PCMTD2: variants seen among roughly 807,000 people sequenced by gnomAD.
PCMTD2 encodes protein-L-isoaspartate O-methyltransferase domain-containing protein 2.
A neutral mutation model predicts 33.4 loss-of-function variants in PCMTD2; 16 were observed. That is an observed-to-expected ratio of 0.48 (90% CI 0.32 to 0.73). PCMTD2 has a LOEUF of 0.73. Among genes scored for constraint, PCMTD2 ranks in the 30% least tolerant of loss-of-function variants. The pLI is 0.03. For synonymous variants in PCMTD2, 161 were observed against 160.8 expected, an observed-to-expected ratio of 1.00 and a Z score of -0.01; for missense variants, 374 against 449.9, an observed-to-expected ratio of 0.83 and a Z score of 1.53.
At position 64,265,409 on chromosome 20, in the gene PCMTD2, G is replaced by C; in HGVS notation, c.562G>C (p.Val188Leu). The change falls in exon 4 of 6, where the codon GTC (valine) becomes CTC (leucine). Residue 188 changes from valine (V) to leucine (L), a missense_variant. Coordinates refer to ENST00000308824, the MANE Select transcript of PCMTD2 (RefSeq NM_018257.3). ...KNLLKVGGILVMPLEEKLTKI... is the reference protein window; with the variant it reads ...KNLLKVGGILLMPLEEKLTKI... ...TCTTCTCAAAGTGGGAGGGATCCTT[G>C]TCATGCCACTGGAAGAGAAGGTCAG... 6.2e-7 allele frequency: 1 copy of C among 1,611,412 alleles called. No homozygotes were observed. Among genetic ancestry groups the C allele is most frequent in the Non-Finnish European group, 8.5e-7 (1 of 1,178,810 alleles).
intron 2 of PCMTD2, among the ~76,000 whole-genome samples, chr20:64,260,649 A>G (rs1225389363): frequency 6.0e-5 from 9 of 149,388 alleles, no homozygotes; most frequent in Admixed American, 4.6e-4. Context: ...CTCTAAATCG[A>G]TGGTAATTAA....
intron 1 of PCMTD2, among the ~76,000 whole-genome samples, chr20:64,256,308 A>C (rs1985165029): frequency 6.6e-6 from 1 of 152,156 alleles, no homozygotes; most frequent in South Asian, 2.1e-4. Context: ...TGGAGATAGT[A>C]AGAATTGGAG....
intron 1 of PCMTD2, among the ~76,000 whole-genome samples, chr20:64,257,622 CCAGA>C (rs1431041096): frequency 1.4e-4 from 21 of 152,194 alleles, no homozygotes; most frequent in African/African-American, 4.8e-4. Context: ...TGTTAGATTA[CCAGA>C]CAAAGATGGT....
rs1049421891 is a variant in PCMTD2 at position 64,274,797 on chromosome 20, G to T, written c.*1197G>T. ...GCTTTCTATCTTACCAAGTGGTAGG[G>T]CTAAAAGAACAACAGCCTTTTTGGT... On this transcript the variant is annotated 3_prime_UTR_variant, in exon 6 of 6. Transcript: ENST00000308824. 3.9e-5 allele frequency: 6 copies of T among 152,294 alleles called. No homozygotes were observed. The highest frequency in any genetic ancestry group is 3.3e-4 in the Admixed American group (5 of 15,298). The allele number at this position is 152,294 out of a possible 1,614,324, so 9.4% of individuals were successfully genotyped here.
intron 1 of PCMTD2, 85 bp from the exon 2 acceptor site, chr20:64,259,857 T>A: frequency 3.0e-6 from 2 of 661,722 alleles, no homozygotes; most frequent in East Asian, 2.7e-5. Context: ...AATTCAGAAT[T>A]TCAAATTGGT....
At chr20:64,261,572 T>TGATGA (rs139446094) in intron 2 of PCMTD2, among the ~76,000 whole-genome samples, 3,251 of 151,264 alleles carry the variant, frequency 0.021, 124 homozygotes, top group African/African-American at 0.076. Context: ...CGTCTATAAT[T>TGATGA]GATTTTTGTG....
chr20:64,263,675 A>C (rs1378624176), intron 2 of PCMTD2, among the ~76,000 whole-genome samples: 1 of 152,240 alleles, frequency 6.6e-6, no homozygotes, highest in African/African-American at 2.4e-5. Flanking sequence ...CAAGATGCAG[A>C]GTTGAATCAG....
At chr20:64,267,277 C>T (rs1332531984) in intron 4 of PCMTD2, among the ~76,000 whole-genome samples, 4 of 152,124 alleles carry the variant, frequency 2.6e-5, no homozygotes, top group African/African-American at 9.7e-5. Context: ...CCACCAGATT[C>T]CGGTGCTTTC....
Position 64,275,839 on chromosome 20 carries a change from A to G in PCMTD2, c.*2239A>G, listed in dbSNP as rs1443487958. On this transcript the variant is annotated 3_prime_UTR_variant, in exon 6 of 6. Transcript: ENST00000308824. ...TTTTGTCTTGAAAAGTAGTAAAGCCATAGACTTGTGCAAAACAAGTTTCAA... is the reference window on the plus strand; with the variant it reads ...TTTTGTCTTGAAAAGTAGTAAAGCCGTAGACTTGTGCAAAACAAGTTTCAA... 6.6e-6 allele frequency: 1 copy of G among 152,240 alleles called. No individual in the cohort carries two copies. The highest frequency in any genetic ancestry group is 1.5e-5 in the Non-Finnish European group (1 of 68,036). 9.4% of individuals were successfully genotyped at this position (152,240 alleles called of 1,614,324 possible).
chr20:64,255,931 C>A, intron 1 of PCMTD2, 61 bp downstream of exon 1: 1 of 152,646 alleles, frequency 6.6e-6, no homozygotes, highest in South Asian at 2.0e-4. Flanking sequence ...GGTGGTGTGT[C>A]CCCTCGGCCC....
At chr20:64,261,478 G>A (rs1985413406) in intron 2 of PCMTD2, among the ~76,000 whole-genome samples, 1 of 152,188 alleles carries the variant, frequency 6.6e-6, no homozygotes, top group Non-Finnish European at 1.5e-5. Flanking sequence ...GGGAAGCCGA[G>A]GTCGGAGGAT....
At chr20:64,271,880 C>G (rs982644844) in intron 5 of PCMTD2, 2 of 202,144 alleles carry the variant, frequency 9.9e-6, no homozygotes, top group African/African-American at 4.6e-5. Context: ...GTTGTTTCAG[C>G]CTCTTGGGGC....
intron 1 of PCMTD2, 88 bp from the exon 2 acceptor site, chr20:64,259,854 A>G: frequency 3.1e-6 from 2 of 652,118 alleles, no homozygotes; most frequent in Non-Finnish European, 5.3e-6. Flanking sequence ...CAGAATTCAG[A>G]ATTTCAAATT....
At chr20:64,269,523 T>C (rs1985797523) in intron 5 of PCMTD2, among the ~76,000 whole-genome samples, 1 of 152,242 alleles carries the variant, frequency 6.6e-6, no homozygotes, top group African/African-American at 2.4e-5. Context: ...ATTGAGTTAC[T>C]TGCAACTTTT....
chr20:64,269,227 A>T (rs1206712531), intron 5 of PCMTD2, among the ~76,000 whole-genome samples: 1 of 152,170 alleles, frequency 6.6e-6, no homozygotes, highest in Non-Finnish European at 1.5e-5. Flanking sequence ...CGTGCTCTGA[A>T]AGTCTCATCA....
At position 64,273,444 on chromosome 20, in the gene PCMTD2, C is replaced by G. The variant is rs762142179; in HGVS notation, c.930C>G (p.Ser310Arg). Residue 310 changes from serine (S) to arginine (R), a missense_variant, in exon 6 of 6, where the codon AGC (serine) becomes AGG (arginine). Coordinates refer to ENST00000308824, the MANE Select transcript of PCMTD2 (RefSeq NM_018257.3). ...SRISNPSDDN[S>R]CEDLEEERRE... The stretch of plus-strand genomic sequence containing the variant: ...TTTCCAACCCCTCAGATGACAACAG[C>G]TGTGAAGACTTGGAAGAGGAACGGA... The G allele has an allele frequency of 8.1e-6, 13 of 1,613,704 alleles. No homozygotes were observed. In the Admixed American group the frequency reaches 2.0e-4, roughly 25 times the overall value.
rs1985614937 is a variant in PCMTD2, at chr20:64,265,388, C to T, written c.541C>T (p.Leu181Phe). The T allele has an allele frequency of 6.2e-7, 1 of 1,613,418 alleles. No homozygotes were observed. The highest frequency in any genetic ancestry group is 8.5e-7 in the Non-Finnish European group (1 of 1,179,674). The change falls in exon 4 of 6, where the codon CTC (leucine) becomes TTC (phenylalanine). Residue 181 changes from leucine to phenylalanine, a missense_variant. Transcript: ENST00000308824. The part of the protein sequence containing the change: ...KEHEEYMKNL[L>F]KVGGILVMPL... ...GCATGAAGAGTACATGAAGAATCTT[C>T]TCAAAGTGGGAGGGATCCTTGTCAT... is the stretch of plus-strand genomic sequence containing the variant.
intron 5 of PCMTD2, among the ~76,000 whole-genome samples, chr20:64,269,796 C>T (rs1985811806): frequency 1.4e-5 from 2 of 144,018 alleles, no homozygotes; most frequent in Admixed American, 6.9e-5. Flanking sequence ...TGTGGGTGTG[C>T]GCGGTGTGGG....
In PCMTD2 at chr20:64,273,366, C is replaced by CCGT; in HGVS notation, c.855_857dup (p.Arg286dup). 6.2e-7 allele frequency: 1 copy of CCGT among 1,614,170 alleles called. No individual in the cohort carries two copies. The highest frequency in any genetic ancestry group is 1.1e-5 in the South Asian group (1 of 91,084). On this transcript the variant is annotated inframe_insertion, in exon 6 of 6. Transcript: ENST00000308824. The stretch of plus-strand genomic sequence containing the variant: ...GGTTTAAACGAAGGAGAGTTCGCCG[C>CCGT]CGTCGAATGGAAACGATTGTCTTTT...
Sources: allele counts gnomAD v4.1 joint callset (sites outside exome capture counted in the v4.1 genomes callset), GRCh38; gene constraint gnomAD v4.1.1; transcripts MANE v1.5; gene names NCBI Gene and HGNC (gene_info 2026-07-23, HGNC 2026-07-21).